Variants in TRAP1 observed in about 807,000 individuals in gnomAD.
The protein encoded by TRAP1 is TNF receptor associated protein 1, also known as heat shock protein 75 kDa, mitochondrial.
Under a neutral mutation model 89.1 loss-of-function variants are expected in TRAP1, and 102 were observed. The ratio of observed to expected loss-of-function variants is 1.15; its 90% CI spans 0.98 to 1.35. TRAP1 has a LOEUF of 1.35. Among genes scored for constraint, TRAP1 ranks in the 40% most tolerant of loss-of-function variants. The pLI is 0.00. For synonymous variants in TRAP1, 508 were observed against 388.0 expected (o/e 1.31, Z -3.64); for missense variants, 1,256 against 945.3 (o/e 1.33, Z -4.31).
intron 5 of TRAP1, among the ~76,000 whole-genome samples, chr16:3,679,068 G>A (rs1273677723): frequency 1.3e-5 from 2 of 152,098 alleles, no homozygotes; most frequent in Non-Finnish European, 2.9e-5. Flanking sequence ...CTGTAGTCAC[G>A]CCTCAGGAGG....
chr16:3,692,325 C>T (rs182522295), intron 1 of TRAP1, among the ~76,000 whole-genome samples: 2 of 152,186 alleles, frequency 1.3e-5, no homozygotes, highest in East Asian at 3.9e-4. Context: ...CACATGAGGT[C>T]AGGAGTTCGA....
chr16:3,689,567 T>A (rs2051185126), intron 2 of TRAP1: 1 of 155,404 alleles, frequency 6.4e-6, no homozygotes, highest in African/African-American at 2.4e-5. Context: ...CTGGGCACCA[T>A]GGCTCATGCC....
intron 1 of TRAP1, among the ~76,000 whole-genome samples, chr16:3,716,657 T>C (rs2051601300): frequency 6.6e-6 from 1 of 152,194 alleles, no homozygotes; most frequent in South Asian, 2.1e-4. Flanking sequence ...TACGCAGACA[T>C]TTATATTTAC....
chr16:3,658,728 C>T (rs1259313557), intron 17 of TRAP1, 65 bp downstream of exon 17: 1 of 1,509,728 alleles, frequency 6.6e-7, no homozygotes, highest in Non-Finnish European at 9.1e-7. Flanking sequence ...CTGTTCCACC[C>T]TGAAGGCAGG....
Position 3,698,017 on chromosome 16 carries a change from T to C in TRAP1, c.89-7032A>G, listed in dbSNP as rs374237275. 3.3e-5 allele frequency among the ~76,000 whole-genome samples: 5 copies of C among 152,112 alleles called. No homozygotes were observed. In the South Asian group the frequency reaches 8.3e-4, roughly 25 times the overall value. ...AAGTAGAGACAGGGTTTCACCATGT[T>C]GGCCAGGATGGTCTCGAACTCCTGA... On this transcript the variant is annotated intron_variant, in intron 1 of 17. Coordinates refer to ENST00000246957, the MANE Select transcript of TRAP1 (RefSeq NM_016292.3).
rs760270122 is a variant in TRAP1 at position 3,689,107 on chromosome 16, T to G, written c.278A>C (p.Glu93Ala). The G allele has an allele frequency of 3.1e-6, 5 of 1,613,934 alleles. No individual in the cohort carries two copies. The highest frequency in any genetic ancestry group is 4.2e-6 in the Non-Finnish European group (5 of 1,180,000). The change falls in exon 3 of 18, where the codon GAG becomes GCG. Residue 93 changes from glutamate (E) to alanine (A), a missense_variant. Transcript: ENST00000246957. ...GSTSKHEFQA[E>A]TKKLLDIVAR... ...AACAATGTCCAAAAGCTTCTTTGTC[T>G]CGGCCTGGAACTCATGTTTGGAAGT...
intron 1 of TRAP1, among the ~76,000 whole-genome samples, chr16:3,696,333 G>C (rs2051286837): frequency 6.6e-6 from 1 of 152,164 alleles, no homozygotes; most frequent in Non-Finnish European, 1.5e-5. Context: ...CAGCCAGAAG[G>C]GCTCCCAGTG....
At chr16:3,658,303 G>A in intron 17 of TRAP1, 73 bp from the exon 18 acceptor site, 5 of 1,245,440 alleles carry the variant, frequency 4.0e-6, no homozygotes, top group Non-Finnish European at 5.8e-6. Context: ...TTGAGACAGA[G>A]TCTCACTGTT....
In TRAP1 at chr16:3,677,548, A is replaced by G. The variant is rs1463544062; in HGVS notation, c.654T>C (p.Tyr218=). The G allele has an allele frequency of 6.2e-7, 1 of 1,614,168 alleles. No individual in the cohort carries two copies. The highest frequency in any genetic ancestry group is 1.7e-5 in the Admixed American group (1 of 60,022). Residue 218 remains tyrosine (Y), a synonymous_variant, in exon 6 of 18, where the codon TAT becomes TAC. Coordinates refer to ENST00000246957, the MANE Select transcript of TRAP1 (RefSeq NM_016292.3). ...AFMVADRVEV[Y]SRSAAPGSLG... Reference sequence around the variant, plus strand: ...GGCTCCCCGGGGCTGCCGAGCGGGAATAGACCTCCACTCTGTCAGCCACCA... The same window carrying G: ...GGCTCCCCGGGGCTGCCGAGCGGGAGTAGACCTCCACTCTGTCAGCCACCA...
In TRAP1 at chr16:3,676,019, C is replaced by G; in HGVS notation, c.814+17G>C. ...ACATGGATCCCAGAGTGAGCCTGGG[C>G]CCGGGCTCCCGCTCACCTCGCACCC... On this transcript the variant is annotated intron_variant, in intron 7 of 17. Transcript: ENST00000246957. The G allele has an allele frequency of 6.2e-7, 1 of 1,604,682 alleles. No individual in the cohort carries two copies. Among genetic ancestry groups the G allele is most frequent in the East Asian group, 2.2e-5 (1 of 44,790 alleles).
chr16:3,712,436 T>C (rs1596761061), intron 1 of TRAP1, among the ~76,000 whole-genome samples: 1 of 152,094 alleles, frequency 6.6e-6, no homozygotes, highest in East Asian at 1.9e-4. Context: ...TAAATGTTTA[T>C]TTTCCCACAG....
At chr16:3,670,411 A>AAAAAAAAAAAAC (rs2050897453) in intron 11 of TRAP1, among the ~76,000 whole-genome samples, 1 of 144,328 alleles carries the variant, frequency 6.9e-6, no homozygotes, top group African/African-American at 2.6e-5. Flanking sequence ...AAAAAAAAAA[A>AAAAAAAAAAAAC]TCTAAGTGGC....
chr16:3,704,915 G>A (rs2051419681), intron 1 of TRAP1, among the ~76,000 whole-genome samples: 1 of 151,560 alleles, frequency 6.6e-6, no homozygotes, highest in Non-Finnish European at 1.5e-5. Context: ...GACCATAGAA[G>A]TAAAAATAAA....
In TRAP1 at chr16:3,690,892, G is replaced by A. The variant is rs759293760; in HGVS notation, c.182C>T (p.Thr61Met). The change falls in exon 2 of 18, where the codon ACG becomes ATG. Residue 61 changes from threonine (T) to methionine (M), a missense_variant. Thr to Met is a moderately conservative substitution (Grantham distance 81). Coordinates refer to ENST00000246957, the MANE Select transcript of TRAP1 (RefSeq NM_016292.3). ...TTCCTCCTTGTCCTCGGCGGTCTGCGTGCTGAACAGTCGTCCTGCCTGCAA... is the reference window on the plus strand; with the variant it reads ...TTCCTCCTTGTCCTCGGCGGTCTGCATGCTGAACAGTCGTCCTGCCTGCAA... ...WSLQAGRLFS[T>M]QTAEDKEEPL... 84 of 1,590,836 alleles carry A rather than the reference G, an allele frequency of 5.3e-5. 1 individual carries two copies. In the South Asian group the frequency reaches 8.8e-4, roughly 17 times the overall value.
chr16:3,697,663 CAA>C (rs563704469), intron 1 of TRAP1, among the ~76,000 whole-genome samples: 29 of 101,376 alleles, frequency 2.9e-4, no homozygotes, highest in Non-Finnish European at 2.8e-4. Flanking sequence ...GACTCTGTCT[CAA>C]AAAAAAAAAA....
intron 16 of TRAP1, 190 bp downstream of exon 16, chr16:3,661,797 G>T: frequency 1.6e-6 from 1 of 615,774 alleles, no homozygotes; most frequent in Non-Finnish European, 2.5e-6. Context: ...GACACCTGGG[G>T]ATGGTAAGGG....
At chr16:3,712,847 C>T (rs933654579) in intron 1 of TRAP1, among the ~76,000 whole-genome samples, 39 of 152,322 alleles carry the variant, frequency 2.6e-4, no homozygotes, top group African/African-American at 9.1e-4. Flanking sequence ...AATTCCTGAA[C>T]TCAAGTGATC....
At chr16:3,667,184 C>T (rs1473617675) in intron 11 of TRAP1, among the ~76,000 whole-genome samples, 1 of 152,008 alleles carries the variant, frequency 6.6e-6, no homozygotes, top group African/African-American at 2.4e-5. Flanking sequence ...CCCAAGAACC[C>T]CAGAGAAGGG....
In TRAP1 at chr16:3,674,380, C is replaced by T. The variant is rs1464386907; in HGVS notation, c.1003G>A (p.Ala335Thr). Reference protein sequence around the residue: ...PRYTLHYKTDAPLNIRSIFYV... With the variant: ...PRYTLHYKTDTPLNIRSIFYV... ...AAGATGCTGCGGATGTTGAGCGGTG[C>T]GTCCGTCTTATAGTGCAGGGTGTAG... The change falls in exon 9 of 18, where the codon GCA becomes ACA. Residue 335 changes from alanine (A) to threonine (T), a missense_variant. Transcript: ENST00000246957. 6 of 1,614,122 alleles carry T rather than the reference C, an allele frequency of 3.7e-6. No individual in the cohort carries two copies. Among genetic ancestry groups the T allele is most frequent in the South Asian group, 2.2e-5 (2 of 91,090 alleles).
Sources: allele counts gnomAD v4.1 joint callset (sites outside exome capture counted in the v4.1 genomes callset), GRCh38; gene constraint gnomAD v4.1.1; transcripts MANE v1.5; gene names NCBI Gene and HGNC (gene_info 2026-07-23, HGNC 2026-07-21).